The following SLIRP variants were observed in gnomAD, a reference collection of about 807,000 sequenced individuals.
SLIRP encodes the protein SRA stem-loop-interacting RNA-binding protein, mitochondrial.
In SLIRP, 12 loss-of-function variants were observed where a neutral mutation model predicts 13.4. The observed-to-expected ratio is 0.89, with a 90% CI of 0.57 to 1.45. SLIRP has a LOEUF of 1.45. Among genes scored for constraint, SLIRP ranks in the 40% most tolerant of loss-of-function variants. The pLI is 0.00. For missense variants in SLIRP, 154 were observed against 132.2 expected, an observed-to-expected ratio of 1.17 and a Z score of -0.81; for synonymous variants, 55 against 47.1, an observed-to-expected ratio of 1.17 and a Z score of -0.69.
rs1308661512 is a variant in SLIRP, at chr14:77,717,504, T to G, written c.273T>G (p.Val91=). The G allele has an allele frequency of 6.2e-7, 1 of 1,614,044 alleles. No individual in the cohort carries two copies. Among genetic ancestry groups the G allele is most frequent in the African/African-American group, 1.3e-5 (1 of 75,068 alleles). Residue 91 remains valine, a synonymous_variant, in exon 4 of 4, where the codon GTT becomes GTG. Coordinates refer to ENST00000557342, the MANE Select transcript of SLIRP (RefSeq NM_031210.6). ...NHIIDGVKVQ[V]HTRRPKLPQT... is the part of the protein sequence containing the mutation. Reference sequence around the variant, plus strand: ...GTGCTTATTTTTTTAAGGTCCAGGTTCACACTAGAAGGCCAAAACTTCCGC... The same window carrying G: ...GTGCTTATTTTTTTAAGGTCCAGGTGCACACTAGAAGGCCAAAACTTCCGC...
rs745496883 is a variant in SLIRP at position 77,708,193 on chromosome 14, T to C, written c.82T>C (p.Trp28Arg). The C allele has an allele frequency of 6.2e-7, 1 of 1,614,186 alleles. No individual in the cohort carries two copies. The highest frequency in any genetic ancestry group is 8.5e-7 in the Non-Finnish European group (1 of 1,180,024). ...GGTTGCTTTTGTGAGAAGAATTCCT[T>C]GGACTGCGGCGTCGAGTGAGTGATG... ...QPVAFVRRIPWTAASSQLKEH... is the reference protein window; with the variant it reads ...QPVAFVRRIPRTAASSQLKEH... Residue 28 changes from tryptophan (W) to arginine (R), a missense_variant, in exon 1 of 4, where the codon TGG (tryptophan) becomes CGG (arginine). By Grantham distance (101) the Trp-to-Arg change is moderately radical. Transcript: ENST00000557342.
chr14:77,708,262 A>G, intron 1 of SLIRP, 54 bp downstream of exon 1: 2 of 1,569,268 alleles, frequency 1.3e-6, no homozygotes, highest in South Asian at 1.1e-5. Flanking sequence ...GTGATCCTCA[A>G]AGCTTCTGCT....
chr14:77,710,952 A>T (rs1001499283), intron 2 of SLIRP, 56 bp downstream of exon 2: 10 of 1,430,176 alleles, frequency 7.0e-6, no homozygotes, highest in Non-Finnish European at 9.9e-6. Context: ...GTACAAAAAA[A>T]ATAGAATGAA....
chr14:77,713,368 G>A (rs933545743), intron 2 of SLIRP, among the ~76,000 whole-genome samples: 1 of 151,866 alleles, frequency 6.6e-6, no homozygotes, highest in Admixed American at 6.6e-5. Context: ...TTTTTTCCTT[G>A]CAGCACTGTA....
intron 2 of SLIRP, among the ~76,000 whole-genome samples, chr14:77,715,271 A>C (rs2080467487): frequency 6.6e-6 from 1 of 152,188 alleles, no homozygotes; most frequent in Non-Finnish European, 1.5e-5. Context: ...GAAAACAGGA[A>C]GCTTAACAAC....
intron 3 of SLIRP, among the ~76,000 whole-genome samples, chr14:77,717,283 T>G (rs1385542505): frequency 1.3e-5 from 2 of 151,900 alleles, no homozygotes; most frequent in Non-Finnish European, 2.9e-5. Context: ...CCACTGCCCC[T>G]GGTCTGATTT....
chr14:77,711,670 C>G (rs1308228298), intron 2 of SLIRP: 1 of 152,378 alleles, frequency 6.6e-6, no homozygotes, highest in African/African-American at 2.4e-5. Flanking sequence ...ATCCTCCCAC[C>G]TCAGCCTCCT....
At chr14:77,709,912 T>C (rs2080427526) in intron 1 of SLIRP, among the ~76,000 whole-genome samples, 1 of 152,178 alleles carries the variant, frequency 6.6e-6, no homozygotes. Flanking sequence ...TAGCCAATAT[T>C]GAGGCCCTGC....
At position 77,710,903 on chromosome 14, in the gene SLIRP, A is replaced by G. The variant is rs2080434730; in HGVS notation, c.156+7A>G. 1.2e-6 allele frequency: 2 copies of G among 1,613,826 alleles called. No homozygotes were observed. The highest frequency in any genetic ancestry group is 1.7e-6 in the Non-Finnish European group (2 of 1,179,862). ...AAGGTGCATTTTACCTTTTGTAAGT[A>G]TTAAGGAAAAGTAGGTGGGAGGTGG... is the stretch of plus-strand genomic sequence containing the variant. On this transcript the variant is annotated splice_region_variant and intron_variant, in intron 2 of 3. Transcript: ENST00000557342.
At chr14:77,714,948 A>T (rs2080465382) in intron 2 of SLIRP, among the ~76,000 whole-genome samples, 1 of 152,228 alleles carries the variant, frequency 6.6e-6, no homozygotes, top group African/African-American at 2.4e-5. Flanking sequence ...TATAGGTTGA[A>T]ACTTTTGCAC....
At chr14:77,710,654 C>T (rs2080432783) in intron 1 of SLIRP, 184 bp from the exon 2 acceptor site, 2 of 1,532,304 alleles carry the variant, frequency 1.3e-6, no homozygotes, top group East Asian at 2.5e-5. Context: ...GTCCATCTCA[C>T]CACCAAGTCT....
intron 1 of SLIRP, 110 bp from the exon 2 acceptor site, chr14:77,710,728 T>C (rs1234838901): frequency 6.3e-7 from 1 of 1,581,326 alleles, no homozygotes; most frequent in African/African-American, 1.3e-5. Context: ...TTTAAGGAAA[T>C]GCAAAGTAGT....
At chr14:77,713,030 GGGA>G (rs1294175892) in intron 2 of SLIRP, among the ~76,000 whole-genome samples, 1 of 152,126 alleles carries the variant, frequency 6.6e-6, no homozygotes, top group African/African-American at 2.4e-5. Context: ...ACCCAAGGAG[GGGA>G]GGAGATTATA....
At chr14:77,708,264 G>T (rs1242581082) in intron 1 of SLIRP, 56 bp downstream of exon 1, 1 of 1,567,000 alleles carries the variant, frequency 6.4e-7, no homozygotes, top group South Asian at 1.1e-5. Context: ...GATCCTCAAA[G>T]CTTCTGCTTT....
intron 2 of SLIRP, among the ~76,000 whole-genome samples, chr14:77,715,345 T>C (rs2080467948): frequency 6.6e-6 from 1 of 152,154 alleles, no homozygotes; most frequent in Non-Finnish European, 1.5e-5. Flanking sequence ...CTTATAAATG[T>C]CTGTGATCCG....
Position 77,710,837 on chromosome 14 carries a change from G to A in SLIRP, c.98-1G>A, listed in dbSNP as rs754020243. On this transcript the variant is annotated splice_acceptor_variant, in intron 1 of 3. Transcript: ENST00000557342. LOFTEE classifies it high-confidence loss of function. ...TTTTAATGTTTTCTTCTGCCACACA[G>A]GTCAGCTGAAAGAACACTTTGCACA... 33 of 1,614,000 alleles carry A rather than the reference G, an allele frequency of 2.0e-5. No homozygotes were observed. The highest frequency in any genetic ancestry group is 2.6e-5 in the Non-Finnish European group (31 of 1,179,952).
At chr14:77,715,627 AG>A in intron 2 of SLIRP, 144 bp from the exon 3 acceptor site, 1 of 680,122 alleles carries the variant, frequency 1.5e-6, no homozygotes, top group Non-Finnish European at 2.5e-6. Context: ...CCTGGGTGAC[AG>A]AGCAAGACCC....
In SLIRP at chr14:77,715,850, CA is replaced by C; in HGVS notation, c.236del (p.Gln79ArgfsTer6). 1 of 1,613,888 alleles carries C rather than the reference CA, an allele frequency of 6.2e-7. No homozygotes were observed. Among genetic ancestry groups the C allele is most frequent in the African/African-American group, 1.3e-5 (1 of 75,000 alleles). On this transcript the variant is annotated frameshift_variant, in exon 3 of 4. Coordinates refer to ENST00000557342, the MANE Select transcript of SLIRP (RefSeq NM_031210.6). LOFTEE classifies it high-confidence loss of function. The stretch of plus-strand genomic sequence containing the variant: ...AGAAGGACTTCGGAATGCACTACAA[CA>C]GGAAAATCATATTATAGATGGAGTA... ...SEEGLRNALQ[Q>X]ENHIIDGVKV...
chr14:77,713,549 GTA>G (rs950429025), intron 2 of SLIRP, among the ~76,000 whole-genome samples: 4 of 152,190 alleles, frequency 2.6e-5, no homozygotes, highest in African/African-American at 9.7e-5. Context: ...GTTCTGTTGT[GTA>G]GTTGGCAAAA....
Sources: gnomAD v4.1 joint callset for allele counts (sites outside exome capture counted in the v4.1 genomes callset) on GRCh38, gnomAD v4.1.1 for gene constraint, MANE v1.5 for transcripts, NCBI Gene and HGNC (gene_info 2026-07-23, HGNC 2026-07-21) for gene names.